Variants in RIMS2 observed in about 807,000 individuals in gnomAD.
RIMS2 encodes the protein regulating synaptic membrane exocytosis protein 2.
A neutral mutation model predicts 174.4 loss-of-function variants in RIMS2; 59 were observed. The ratio of observed to expected loss-of-function variants is 0.34; its 90% CI spans 0.27 to 0.42. RIMS2 has a LOEUF of 0.42. Among genes scored for constraint, RIMS2 ranks in the 10% least tolerant of loss-of-function variants. RIMS2 has a pLI of 1.00. For missense variants in RIMS2, 1,620 were observed against 1,666.3 expected, an observed-to-expected ratio of 0.97 and a Z score of 0.48; for synonymous variants, 606 against 572.5, an observed-to-expected ratio of 1.06 and a Z score of -0.84.
intron 3 of RIMS2, among the ~76,000 whole-genome samples, chr8:103,836,661 T>C (rs1223821080): frequency 3.3e-5 from 5 of 152,224 alleles, no homozygotes; most frequent in African/African-American, 1.2e-4. Flanking sequence ...CTGAGTTATA[T>C]CTTAATTTTG....
chr8:104,187,952 A>G (rs1211111778), intron 19 of RIMS2, among the ~76,000 whole-genome samples: 3 of 151,770 alleles, frequency 2.0e-5, no homozygotes, highest in Non-Finnish European at 4.4e-5. Flanking sequence ...ATGGACTCAC[A>G]TGAAGTTGCA....
At chr8:103,976,921 C>T (rs994551245) in intron 16 of RIMS2, 2 of 152,240 alleles carry the variant, frequency 1.3e-5, no homozygotes, top group Middle Eastern at 3.4e-3. Context: ...TCTGATCAAC[C>T]TGGTTAAGTA....
At chr8:103,852,471 A>C (rs969059963) in intron 3 of RIMS2, among the ~76,000 whole-genome samples, 1 of 151,134 alleles carries the variant, frequency 6.6e-6, no homozygotes, top group African/African-American at 2.4e-5. Flanking sequence ...GTTTGTGCTC[A>C]ATTGCAGTAT....
intron 19 of RIMS2, among the ~76,000 whole-genome samples, chr8:104,140,331 T>C (rs2098555558): frequency 1.3e-5 from 2 of 152,158 alleles, no homozygotes; most frequent in Non-Finnish European, 2.9e-5. Flanking sequence ...CTCAATATTA[T>C]CCTTCCCTCC....
chr8:104,223,641 C>T, intron 19 of RIMS2: 1 of 1,586,932 alleles, frequency 6.3e-7, no homozygotes, highest in Non-Finnish European at 8.5e-7. Context: ...AAAAGCGGGT[C>T]CTCGTCCAAG....
At chr8:104,109,028 A>C (rs550476870) in intron 19 of RIMS2, among the ~76,000 whole-genome samples, 2 of 152,130 alleles carry the variant, frequency 1.3e-5, no homozygotes, top group South Asian at 4.2e-4. Context: ...AGTATAAGAA[A>C]TAATGCTGCC....
intron 19 of RIMS2, among the ~76,000 whole-genome samples, chr8:104,036,318 T>A (rs1483603737): frequency 6.6e-6 from 1 of 151,212 alleles, no homozygotes; most frequent in Non-Finnish European, 1.5e-5. Flanking sequence ...GCCTAGCTAA[T>A]TTTTTTGTAT....
At chr8:103,879,352 A>C (rs2099156773) in intron 3 of RIMS2, among the ~76,000 whole-genome samples, 1 of 151,460 alleles carries the variant, frequency 6.6e-6, no homozygotes, top group Non-Finnish European at 1.5e-5. Flanking sequence ...AGGAAGAAGG[A>C]TTGCTATTAA....
chr8:103,564,508 A>G (rs1257727731), intron 1 of RIMS2, among the ~76,000 whole-genome samples: 2 of 152,176 alleles, frequency 1.3e-5, no homozygotes, highest in Non-Finnish European at 2.9e-5. Context: ...CCTCAAAAGT[A>G]GGGAGGCTGA....
At chr8:104,073,251 T>C (rs34387863) in intron 19 of RIMS2, among the ~76,000 whole-genome samples, 35,701 of 152,056 alleles carry the variant, frequency 0.23, 4,488 homozygotes, top group South Asian at 0.33. Context: ...ATATGGATGA[T>C]TTGATAATGC....
At chr8:103,727,558 C>T (rs995403923) in intron 2 of RIMS2, among the ~76,000 whole-genome samples, 1 of 152,078 alleles carries the variant, frequency 6.6e-6, no homozygotes, top group African/African-American at 2.4e-5. Context: ...GACCAATGTC[C>T]TGGAGTGTGT....
chr8:103,812,331 G>GTTTTTTTTTTTTTT (rs71575985), intron 3 of RIMS2, among the ~76,000 whole-genome samples: 158 of 111,534 alleles, frequency 1.4e-3, no homozygotes, highest in South Asian at 2.1e-3. Flanking sequence ...TTATTACCTT[G>GTTTTTTTTTTTTTT]TTTTTTTTTT....
intron 3 of RIMS2, among the ~76,000 whole-genome samples, chr8:103,870,385 C>CCACCACCACCACCACTA (rs1384286446): frequency 6.6e-6 from 1 of 151,262 alleles, no homozygotes; most frequent in Non-Finnish European, 1.5e-5. Context: ...ACCACCAGCA[C>CCACCACCACCACCACTA]CACCACCACC....
chr8:104,212,452 G>C (rs764401823), intron 19 of RIMS2, among the ~76,000 whole-genome samples: 4 of 152,190 alleles, frequency 2.6e-5, no homozygotes, highest in Admixed American at 2.0e-4. Context: ...TCAGATTAAA[G>C]AGTGTTCAAC....
rs1367932408 is a variant in RIMS2, at chr8:103,851,799, TATG to T, written c.699-33496_699-33494del. Among the ~76,000 whole-genome samples the T allele has an allele frequency of 2.0e-5, 3 of 151,994 alleles. No individual in the cohort carries two copies. In the East Asian group the frequency reaches 5.8e-4, roughly 29 times the overall value. On this transcript the variant is annotated intron_variant, in intron 3 of 23. Transcript: ENST00000504942. Reference sequence around the variant, plus strand: ...AAGCAAAATGGGACTTTATTCATATTATGATTTCATTTGCTGCATTATTTTTGA... The same window carrying T: ...AAGCAAAATGGGACTTTATTCATATTATTTCATTTGCTGCATTATTTTTGA...
At chr8:103,961,280 C>T in intron 15 of RIMS2, 147 bp downstream of exon 17, 1 of 572,930 alleles carries the variant, frequency 1.7e-6, no homozygotes, top group South Asian at 2.4e-5. Flanking sequence ...CAACTTAAAC[C>T]CCTGAGTAAT....
chr8:103,621,511 A>G (rs2095634877), intron 1 of RIMS2, among the ~76,000 whole-genome samples: 1 of 152,270 alleles, frequency 6.6e-6, no homozygotes, highest in African/African-American at 2.4e-5. Context: ...GACCAGTATA[A>G]GCATGCCAGG....
intron 1 of RIMS2, among the ~76,000 whole-genome samples, chr8:103,673,167 T>C (rs1203991854): frequency 6.6e-6 from 1 of 152,202 alleles, no homozygotes; most frequent in African/African-American, 2.4e-5. Context: ...CCCCTGTGGC[T>C]TTGCAGGGTA....
chr8:103,947,916 A>G (rs141453493), intron 14 of RIMS2, among the ~76,000 whole-genome samples: 2 of 152,326 alleles, frequency 1.3e-5, no homozygotes, highest in African/African-American at 4.8e-5. Flanking sequence ...ATTATACAGC[A>G]CATAATGTTT....
Sources: gnomAD v4.1 joint callset for allele counts (sites outside exome capture counted in the v4.1 genomes callset) on GRCh38, gnomAD v4.1.1 for gene constraint, MANE v1.5 for transcripts, NCBI Gene and HGNC (gene_info 2026-07-23, HGNC 2026-07-21) for gene names.